Variants in SLCO5A1 observed in about 807,000 individuals in gnomAD.
SLCO5A1 encodes the protein organic anion transporter polypeptide-related protein 4.
In SLCO5A1, 39 loss-of-function variants were observed where a neutral mutation model predicts 65.1. That is an observed-to-expected ratio of 0.60 (90% CI 0.46 to 0.78). The LOEUF (loss-of-function observed/expected upper bound fraction) is 0.78. SLCO5A1 is among the 30% of genes least tolerant of loss of function. SLCO5A1 has a pLI of 0.00. For missense variants in SLCO5A1, 1,029 were observed against 1,069.4 expected, an observed-to-expected ratio of 0.96 and a Z score of 0.53; for synonymous variants, 438 against 415.7, an observed-to-expected ratio of 1.05 and a Z score of -0.65.
chr8:69,832,016 G>A lies in SLCO5A1; in HGVS notation c.658C>T (p.Pro220Ser), dbSNP rs767922149. ...TTCAACTCTTGGATCTGGTAGGGGG[G>A]CGAGATGAAGTGAGGTAAGGCGAAG... ...ALFALPHFIS[P>S]PYQIQELNAS... Residue 220 changes from proline (P) to serine (S), a missense_variant, in exon 2 of 10, where the codon CCC becomes TCC. By Grantham distance (74) the Pro-to-Ser change is moderately conservative. This residue lies in a region of SLCO5A1 where 647 missense variants were observed against 647.5 expected (regional missense o/e 1.00). Transcript: ENST00000260126. This position sits in a 1 kb window ranked among gnomAD's most constrained non-coding sequence, Gnocchi z 4.5. 4 of 1,603,028 alleles carry A rather than the reference G, an allele frequency of 2.5e-6. No homozygotes were observed. The highest frequency in any genetic ancestry group is 3.4e-6 in the Non-Finnish European group (4 of 1,174,748).
At chr8:69,696,906 T>TA (rs1320126671) in intron 6 of SLCO5A1, among the ~76,000 whole-genome samples, 3 of 151,256 alleles carry the variant, frequency 2.0e-5, no homozygotes, top group African/African-American at 7.3e-5. Flanking sequence ...ATCCTCAAAA[T>TA]AAAAAATGTA....
chr8:69,834,546 T>C (rs887009497), intron 1 of SLCO5A1, among the ~76,000 whole-genome samples: 1 of 152,048 alleles, frequency 6.6e-6, no homozygotes, highest in African/African-American at 2.4e-5. Flanking sequence ...CACCAGCCGC[T>C]GCGTGAGGAG....
At chr8:69,804,605 C>T (rs548205646) in intron 2 of SLCO5A1, among the ~76,000 whole-genome samples, 13 of 152,166 alleles carry the variant, frequency 8.5e-5, no homozygotes, top group Non-Finnish European at 1.5e-4. Flanking sequence ...CATGAGCCAC[C>T]GTGCCCAGCT....
chr8:69,704,122 A>G (rs2130809347), intron 6 of SLCO5A1, among the ~76,000 whole-genome samples: 1 of 152,196 alleles, frequency 6.6e-6, no homozygotes, highest in South Asian at 2.1e-4. Context: ...GCTGGTCTTG[A>G]ACTCCCAGTC....
intron 5 of SLCO5A1, among the ~76,000 whole-genome samples, chr8:69,736,661 A>G (rs1816575097): frequency 6.6e-6 from 1 of 152,230 alleles, no homozygotes; most frequent in Non-Finnish European, 1.5e-5. Flanking sequence ...TTCACGATGC[A>G]TATCGGCATA....
chr8:69,721,923 G>A (rs1300787836), intron 5 of SLCO5A1, among the ~76,000 whole-genome samples: 2 of 152,182 alleles, frequency 1.3e-5, no homozygotes, highest in African/African-American at 4.8e-5. Flanking sequence ...TGTAATCCCA[G>A]AACTTTGGGA....
chr8:69,813,171 T>C (rs1489485447), intron 2 of SLCO5A1, among the ~76,000 whole-genome samples: 1 of 152,176 alleles, frequency 6.6e-6, no homozygotes, highest in East Asian at 1.9e-4. Context: ...GCAGTCTTAC[T>C]CACTTAAATT....
Position 69,761,769 on chromosome 8 carries a change from C to G in SLCO5A1, c.1014G>C (p.Gln338His). The G allele has an allele frequency of 6.2e-7, 1 of 1,613,714 alleles. No homozygotes were observed. Among genetic ancestry groups the G allele is most frequent in the South Asian group, 1.1e-5 (1 of 90,972 alleles). Residue 338 changes from glutamine (Q) to histidine (H), a missense_variant, in exon 3 of 10, where the codon CAG (glutamine) becomes CAC (histidine). This residue lies in a region of SLCO5A1 where 647 missense variants were observed against 647.5 expected (regional missense o/e 1.00). Coordinates refer to ENST00000260126, the MANE Select transcript of SLCO5A1 (RefSeq NM_030958.3). ...AGTTTCCAATGAAACGAGGGTCATT[C>G]TGGTCAAGGTGAACAGGATTTCTGG... ...VDPRNPVHLD[Q>H]NDPRFIGNWW... is the part of the protein sequence containing the mutation.
chr8:69,754,100 A>G (rs978401329), intron 4 of SLCO5A1, among the ~76,000 whole-genome samples: 1 of 151,798 alleles, frequency 6.6e-6, no homozygotes, highest in Non-Finnish European at 1.5e-5. Context: ...AAAAAAAATC[A>G]CTCTTTTGAT....
intron 2 of SLCO5A1, among the ~76,000 whole-genome samples, chr8:69,803,620 G>A (rs542161602): frequency 2.6e-4 from 39 of 152,310 alleles, no homozygotes; most frequent in Non-Finnish European, 5.1e-4. Context: ...CAAATTCTCA[G>A]CTCCCCTCTA....
chr8:69,680,881 A>G (rs1187892426), intron 7 of SLCO5A1, among the ~76,000 whole-genome samples: 1 of 152,238 alleles, frequency 6.6e-6, no homozygotes, highest in Non-Finnish European at 1.5e-5. Context: ...TGACAGAGTC[A>G]GACTAAATGG....
intron 7 of SLCO5A1, among the ~76,000 whole-genome samples, chr8:69,679,841 C>G (rs1813693298): frequency 6.6e-6 from 1 of 152,154 alleles, no homozygotes; most frequent in African/African-American, 2.4e-5. Context: ...TAAACCTAAA[C>G]TTTTCTAAGA....
At chr8:69,710,983 G>C (rs1284005409) in intron 5 of SLCO5A1, among the ~76,000 whole-genome samples, 2 of 148,852 alleles carry the variant, frequency 1.3e-5, no homozygotes, top group Non-Finnish European at 3.0e-5. Flanking sequence ...CAGCAGGGAT[G>C]GGGTCGGACA....
chr8:69,811,114 A>G (rs546139551), intron 2 of SLCO5A1, among the ~76,000 whole-genome samples: 1 of 151,952 alleles, frequency 6.6e-6, no homozygotes, highest in Non-Finnish European at 1.5e-5. Context: ...TTCCAGACCC[A>G]CTCCAGGAAC....
At chr8:69,764,047 T>G (rs1241003498) in intron 2 of SLCO5A1, among the ~76,000 whole-genome samples, 1 of 152,186 alleles carries the variant, frequency 6.6e-6, no homozygotes, top group Non-Finnish European at 1.5e-5. Context: ...GTATTTTTAG[T>G]AGAGACAGGG....
At chr8:69,825,980 T>C (rs1415518785) in intron 2 of SLCO5A1, among the ~76,000 whole-genome samples, 1 of 152,082 alleles carries the variant, frequency 6.6e-6, no homozygotes, top group African/African-American at 2.4e-5. Context: ...ACGCTGCATA[T>C]CTACAACTAT....
intron 5 of SLCO5A1, among the ~76,000 whole-genome samples, chr8:69,721,259 A>G (rs1369486368): frequency 1.3e-5 from 2 of 152,336 alleles, no homozygotes; most frequent in East Asian, 1.9e-4. Context: ...TACAGTCCCT[A>G]TACCAGCCCT....
At chr8:69,697,912 T>C (rs994802504) in intron 6 of SLCO5A1, among the ~76,000 whole-genome samples, 1 of 152,214 alleles carries the variant, frequency 6.6e-6, no homozygotes, top group Admixed American at 6.5e-5. Context: ...AAGTTTATTA[T>C]ACAGGTAAAT....
Position 69,815,647 on chromosome 8 carries a change from A to AACACACACACAC in SLCO5A1, c.907+16108_907+16119dup, listed in dbSNP as rs55665513. Among the ~76,000 whole-genome samples the AACACACACACAC allele has an allele frequency of 3.0e-3, 420 of 141,290 alleles. 2 individuals carry two copies. Among genetic ancestry groups the AACACACACACAC allele is most frequent in the Middle Eastern group, 7.2e-3 (2 of 278 alleles). 92.7% of individuals were successfully genotyped at this position (141,290 alleles called of 152,430 possible). A position where few individuals can be genotyped will look rare whatever the true frequency, so the allele number is the denominator to read the frequency against. On this transcript the variant is annotated intron_variant, in intron 2 of 9. Transcript: ENST00000260126. The stretch of plus-strand genomic sequence containing the variant: ...ACAACTAAAAGAGAGGTAAAATATC[A>AACACACACACAC]ACACACACACACACACACACACACA...
Sources: gnomAD v4.1 joint callset for allele counts (sites outside exome capture counted in the v4.1 genomes callset) on GRCh38, gnomAD v4.1.1 for gene constraint, gnomAD v4.1.1 regional missense constraint, Gnocchi (gnomAD v3.1) non-coding constraint, MANE v1.5 for transcripts, NCBI Gene and HGNC (gene_info 2026-07-23, HGNC 2026-07-21) for gene names.